Variants in VMP1 observed in about 807,000 individuals in gnomAD.
VMP1 encodes the protein ectopic P-granules autophagy protein 3 homolog.
VMP1 carries 11 observed loss-of-function variants against 56.0 expected under a neutral mutation model. The observed-to-expected ratio is 0.20, with a 90% CI of 0.12 to 0.32. The LOEUF is 0.32. VMP1 is among the 10% of genes least tolerant of loss of function. The pLI, the probability that VMP1 is intolerant of heterozygous loss-of-function variation, is 1.00. For synonymous variants in VMP1, 149 were observed against 165.0 expected (o/e 0.90, Z 0.74); for missense variants, 296 against 490.3 (o/e 0.60, Z 3.74).
intron 8 of VMP1, among the ~76,000 whole-genome samples, chr17:59,811,405 G>A (rs1029674698): frequency 1.5e-4 from 23 of 152,208 alleles, no homozygotes; most frequent in African/African-American, 5.5e-4. Context: ...CACACACAGT[G>A]CCTTAGCCAT....
rs368731399 is a variant in VMP1 at position 59,798,615 on chromosome 17, G to A, written c.715-10181G>A. Reference sequence around the variant, plus strand: ...AAACACAAGATGTAAGGCCGGGCACGGTGGCTCACGCCTGTAATCCCAGCA... The same window carrying A: ...AAACACAAGATGTAAGGCCGGGCACAGTGGCTCACGCCTGTAATCCCAGCA... On this transcript the variant is annotated intron_variant, in intron 7 of 11. Transcript: ENST00000262291. Among the ~76,000 whole-genome samples the A allele has an allele frequency of 4.6e-5, 7 of 152,264 alleles. No homozygotes were observed. The South Asian group carries it at 1.0e-3, about 23-fold the overall frequency.
At chr17:59,775,346 C>T (rs2036583846) in intron 7 of VMP1, among the ~76,000 whole-genome samples, 1 of 152,104 alleles carries the variant, frequency 6.6e-6, no homozygotes, top group South Asian at 2.1e-4. Flanking sequence ...GCCTGGGAGG[C>T]AAAGATTGCA....
At chr17:59,742,285 A>G (rs1382501449) in intron 5 of VMP1, among the ~76,000 whole-genome samples, 1 of 152,134 alleles carries the variant, frequency 6.6e-6, no homozygotes, top group Non-Finnish European at 1.5e-5. Flanking sequence ...AGGCAGGAGG[A>G]TCGCTTGAGA....
At chr17:59,804,615 TAAAAAAA>T (rs35616891) in intron 7 of VMP1, among the ~76,000 whole-genome samples, 1 of 70,162 alleles carries the variant, frequency 1.4e-5, no homozygotes, top group Non-Finnish European at 2.6e-5. Flanking sequence ...AGACTCCAGC[TAAAAAAA>T]AAAAAAAAAA....
intron 8 of VMP1, 102 bp from the exon 9 acceptor site, chr17:59,811,568 C>A: frequency 2.4e-6 from 2 of 831,898 alleles, no homozygotes; most frequent in Non-Finnish European, 2.0e-6. Flanking sequence ...TATTGCTTTG[C>A]AGTGTAAGCA....
At chr17:59,722,016 G>A (rs1343626949) in intron 1 of VMP1, among the ~76,000 whole-genome samples, 1 of 152,292 alleles carries the variant, frequency 6.6e-6, no homozygotes, top group Non-Finnish European at 1.5e-5. Context: ...TGTCCAGGTA[G>A]AAGAGAAAGC....
intron 5 of VMP1, among the ~76,000 whole-genome samples, chr17:59,746,192 A>T (rs114761564): frequency 0.037 from 5,620 of 152,216 alleles, 372 homozygotes; most frequent in African/African-American, 0.13. Context: ...ATTTATTGAG[A>T]TAGCATCTCT....
intron 10 of VMP1, among the ~76,000 whole-genome samples, chr17:59,822,260 CT>C (rs1420732396): frequency 1.3e-5 from 2 of 149,786 alleles, no homozygotes; most frequent in African/African-American, 2.5e-5. Context: ...ATAACATTAT[CT>C]TTTAATCAGA....
At chr17:59,806,351 A>T (rs1193696454) in intron 7 of VMP1, among the ~76,000 whole-genome samples, 1 of 152,194 alleles carries the variant, frequency 6.6e-6, no homozygotes, top group Non-Finnish European at 1.5e-5. Context: ...AATAGATGCT[A>T]AGAAAAAAAT....
rs397714732 is a variant in VMP1, at chr17:59,788,819, A to AAG, written c.714+14934_714+14935insAG. On this transcript the variant is annotated intron_variant, in intron 7 of 11. Coordinates refer to ENST00000262291, the MANE Select transcript of VMP1 (RefSeq NM_030938.5). Reference sequence around the variant, plus strand: ...AGACTCCATCTAAAAAAAAAAAAAAAGAAAGAAAGAAAATAATTTTGTGTT... The same window carrying AAG: ...AGACTCCATCTAAAAAAAAAAAAAAAAGGAAAGAAAGAAAATAATTTTGTGTT... Among the ~76,000 whole-genome samples the AAG allele has an allele frequency of 2.1e-4, 31 of 144,312 alleles. No individual in the cohort carries two copies. The East Asian group carries it at 4.9e-3, about 23-fold the overall frequency. 94.7% of individuals were successfully genotyped at this position (144,312 alleles called of 152,430 possible).
chr17:59,817,421 G>A (rs918836345), intron 9 of VMP1, among the ~76,000 whole-genome samples: 1 of 149,898 alleles, frequency 6.7e-6, no homozygotes, highest in Non-Finnish European at 1.5e-5. Flanking sequence ...GTGCAATCTT[G>A]GCTCACTGCC....
chr17:59,762,143 G>A (rs1000143054), intron 5 of VMP1, among the ~76,000 whole-genome samples: 7 of 152,242 alleles, frequency 4.6e-5, no homozygotes, highest in Admixed American at 4.6e-4. Flanking sequence ...GTTTGCTATA[G>A]AAATGAAAGT....
chr17:59,836,724 T>TC (rs2038993947), intron 10 of VMP1, among the ~76,000 whole-genome samples: 1 of 151,660 alleles, frequency 6.6e-6, no homozygotes, highest in Non-Finnish European at 1.5e-5. Context: ...GTTTGGTTTT[T>TC]TTTTTTTTTG....
rs1453737041 is a variant in VMP1 at position 59,841,501 on chromosome 17, G to A, written c.*1590G>A. The A allele has an allele frequency of 1.8e-5, 4 of 222,132 alleles. No homozygotes were observed. Among genetic ancestry groups the A allele is most frequent in the South Asian group, 5.1e-5 (1 of 19,692 alleles). 13.8% of individuals were successfully genotyped at this position (222,132 alleles called of 1,614,324 possible). ...GAGGGAGGATTTTATGGAGAAATGG[G>A]GATAGTCTTCATGACCACAAATAAA... is the stretch of plus-strand genomic sequence containing the variant. On this transcript the variant is annotated 3_prime_UTR_variant, in exon 12 of 12. Transcript: ENST00000262291.
intron 7 of VMP1, among the ~76,000 whole-genome samples, chr17:59,783,764 C>T (rs1392080632): frequency 6.6e-6 from 1 of 152,120 alleles, no homozygotes; most frequent in Non-Finnish European, 1.5e-5. Context: ...TCCCTTCCCG[C>T]TACTGTTTCA....
intron 7 of VMP1, among the ~76,000 whole-genome samples, chr17:59,775,380 A>C (rs1304683802): frequency 6.6e-6 from 1 of 152,056 alleles, no homozygotes; most frequent in Non-Finnish European, 1.5e-5. Context: ...GTGCCACTGC[A>C]CTCCAGCCTG....
chr17:59,791,491 CT>C (rs1208305582), intron 7 of VMP1, among the ~76,000 whole-genome samples: 3,783 of 127,080 alleles, frequency 0.03, 163 homozygotes, highest in African/African-American at 0.11. Context: ...GTGCCCGGCT[CT>C]TTTTTTTTTT....
intron 1 of VMP1, among the ~76,000 whole-genome samples, chr17:59,714,669 C>T (rs1291191990): frequency 1.4e-5 from 2 of 145,638 alleles, no homozygotes; most frequent in African/African-American, 5.0e-5. Flanking sequence ...GGGGGCGGTG[C>T]AGGGAGAGGG....
chr17:59,817,794 TA>T (rs1395909566), intron 10 of VMP1, 21 bp downstream of exon 10: 3 of 1,566,032 alleles, frequency 1.9e-6, no homozygotes, highest in Non-Finnish European at 2.6e-6. Flanking sequence ...CTTCAAGGAC[TA>T]ATATTAATAT....
Sources: allele counts gnomAD v4.1 joint callset (sites outside exome capture counted in the v4.1 genomes callset), GRCh38; gene constraint gnomAD v4.1.1; transcripts MANE v1.5; gene names NCBI Gene and HGNC (gene_info 2026-07-23, HGNC 2026-07-21).